Variants in USP46 observed in about 807,000 individuals in gnomAD.
USP46 encodes ubiquitin carboxyl-terminal hydrolase 46.
A neutral mutation model predicts 44.4 loss-of-function variants in USP46; 12 were observed. The ratio of observed to expected loss-of-function variants is 0.27; its 90% CI spans 0.17 to 0.44. USP46 has a LOEUF of 0.44. Ranked by LOEUF, USP46 falls within the 20% of genes least tolerant of loss-of-function variation. USP46 has a pLI of 1.00. For missense variants in USP46, 248 were observed against 444.8 expected, an observed-to-expected ratio of 0.56 and a Z score of 3.98; for synonymous variants, 155 against 161.5, an observed-to-expected ratio of 0.96 and a Z score of 0.31.
Position 52,609,896 on chromosome 4 carries a change from T to TTC in USP46, c.638+643_638+644dup, listed in dbSNP as rs1341267665. Among the ~76,000 whole-genome samples, 3 of 102,870 alleles carry TTC rather than the reference T, an allele frequency of 2.9e-5. No individual in the cohort carries two copies. In the South Asian group the frequency reaches 9.2e-4, roughly 32 times the overall value. 67.5% of individuals were successfully genotyped at this position (102,870 alleles called of 152,430 possible). ...ATGGAAACCTAAACCTCAATTCTAT[T>TTC]TCTTTTTTTTTTTTTTTTTTTTTTT... On this transcript the variant is annotated intron_variant, in intron 5 of 8. Coordinates refer to ENST00000441222, the MANE Select transcript of USP46 (RefSeq NM_022832.4).
intron 4 of USP46, among the ~76,000 whole-genome samples, chr4:52,615,449 T>C (rs1717096695): frequency 6.6e-6 from 1 of 152,138 alleles, no homozygotes; most frequent in African/African-American, 2.4e-5. Flanking sequence ...TTCCTAATGA[T>C]AAGAATGTCA....
chr4:52,659,089 G>A lies in USP46; in HGVS notation c.36+26C>T. On this transcript the variant is annotated intron_variant, in intron 1 of 8. Transcript: ENST00000441222. The surrounding 1 kb of genome is among the most constrained non-coding windows in gnomAD (Gnocchi z 4.2). Reference sequence around the variant, plus strand: ...CTTTGCCTCGCCGCGAGTCGGGCGCGACCCCGAGGCGGCTCGGCCACTCAC... The same window carrying A: ...CTTTGCCTCGCCGCGAGTCGGGCGCAACCCCGAGGCGGCTCGGCCACTCAC... The A allele has an allele frequency of 3.2e-6, 5 of 1,551,344 alleles. No individual in the cohort carries two copies. The highest frequency in any genetic ancestry group is 4.3e-6 in the Non-Finnish European group (5 of 1,150,884).
At chr4:52,601,748 C>G in intron 7 of USP46, 109 bp downstream of exon 7, 2 of 1,184,996 alleles carry the variant, frequency 1.7e-6, no homozygotes, top group Non-Finnish European at 2.3e-6. Context: ...TGGCAGAGAT[C>G]CCAAAACTAT....
intron 1 of USP46, among the ~76,000 whole-genome samples, chr4:52,632,988 A>AAAGAAAGAAAG (rs1560406196): frequency 1.3e-4 from 4 of 31,390 alleles, no homozygotes; most frequent in South Asian, 2.6e-3. Context: ...AAGAAAGAAA[A>AAAGAAAGAAAG]GAAAAGAAAG....
intron 1 of USP46, among the ~76,000 whole-genome samples, chr4:52,632,949 A>G (rs1717912133): frequency 1.3e-5 from 1 of 74,578 alleles, no homozygotes; most frequent in Non-Finnish European, 2.5e-5. Flanking sequence ...AGAAAGAAAG[A>G]AAGAAAGAAA....
rs570242860 is a variant in USP46, at chr4:52,605,497, T to C, written c.639-913A>G. On this transcript the variant is annotated intron_variant, in intron 5 of 8. Transcript: ENST00000441222. ...GTGTCCTAGTACCATAATGACCAGA[T>C]TTTATTAAACAGAAAATGTTATTTA... 5.9e-5 allele frequency among the ~76,000 whole-genome samples: 9 copies of C among 152,322 alleles called. No homozygotes were observed. The South Asian group carries it at 1.9e-3, about 32-fold the overall frequency.
chr4:52,656,353 G>C (rs372513418), intron 1 of USP46: 1 of 1,500,944 alleles, frequency 6.7e-7, no homozygotes, highest in Non-Finnish European at 9.0e-7. Context: ...TAATATTTAC[G>C]TCTGATCCAG....
At chr4:52,641,099 G>C (rs997194602) in intron 1 of USP46, among the ~76,000 whole-genome samples, 2 of 151,996 alleles carry the variant, frequency 1.3e-5, no homozygotes, top group Admixed American at 1.3e-4. Flanking sequence ...AAATTGTAAA[G>C]TATGTTACAA....
intron 5 of USP46, among the ~76,000 whole-genome samples, chr4:52,605,266 T>C (rs1160824466): frequency 2.6e-5 from 4 of 152,150 alleles, no homozygotes; most frequent in East Asian, 1.9e-4. Flanking sequence ...ACAAAAGCCA[T>C]TGTGTTTGTC....
At chr4:52,635,527 C>T (rs149889188) in intron 1 of USP46, among the ~76,000 whole-genome samples, 7 of 152,260 alleles carry the variant, frequency 4.6e-5, no homozygotes, top group Admixed American at 2.6e-4. Flanking sequence ...TCCCCTTGAC[C>T]CTTCTCACTG....
chr4:52,598,136 G>A (rs1716316903), intron 8 of USP46, among the ~76,000 whole-genome samples: 1 of 152,182 alleles, frequency 6.6e-6, no homozygotes, highest in South Asian at 2.1e-4. Flanking sequence ...ATGTCTTTGA[G>A]TGTAGAATTC....
intron 1 of USP46, among the ~76,000 whole-genome samples, chr4:52,647,374 T>C (rs191774817): frequency 6.6e-6 from 1 of 152,382 alleles, no homozygotes; most frequent in African/African-American, 2.4e-5. Context: ...ACTGGGTCTA[T>C]TTTCAACATA....
rs143839466 is a variant in USP46, at chr4:52,642,808, G to A, written c.37-11664C>T. On this transcript the variant is annotated intron_variant, in intron 1 of 8. Transcript: ENST00000441222. ...TTTTAAAATGCTAAAAGAGAAAACC[G>A]TACCAAAAAGCAAATTTGAGTTCTA... is the stretch of plus-strand genomic sequence containing the variant. Among the ~76,000 whole-genome samples, 150 of 152,152 alleles carry A rather than the reference G, an allele frequency of 9.9e-4. No individual in the cohort carries two copies. The East Asian group carries it at 0.014, about 14-fold the overall frequency.
chr4:52,618,039 AG>A (rs780848265), intron 4 of USP46, among the ~76,000 whole-genome samples: 1 of 152,258 alleles, frequency 6.6e-6, no homozygotes, highest in Non-Finnish European at 1.5e-5. Context: ...GATTACAGAA[AG>A]GGTATACCTT....
chr4:52,636,657 G>A (rs1220010304), intron 1 of USP46, among the ~76,000 whole-genome samples: 1 of 127,484 alleles, frequency 7.8e-6, no homozygotes, highest in African/African-American at 3.0e-5. Flanking sequence ...AGTGAGCCAA[G>A]ATGGTGCCAC....
At chr4:52,600,321 A>G (rs1266671350) in intron 7 of USP46, among the ~76,000 whole-genome samples, 1 of 152,098 alleles carries the variant, frequency 6.6e-6, no homozygotes. Flanking sequence ...AGGTCCTGGC[A>G]TGGAAGGGAA....
rs1295799139 is a variant in USP46 at position 52,594,082 on chromosome 4, G to A, written c.*3558C>T. ...CAAAATTGTTTGTAATAATTACTTG[G>A]ACATAAGACCTGCCACTGACTCACA... is the stretch of plus-strand genomic sequence containing the variant. On this transcript the variant is annotated 3_prime_UTR_variant, in exon 9 of 9. Coordinates refer to ENST00000441222, the MANE Select transcript of USP46 (RefSeq NM_022832.4). The A allele has an allele frequency of 1.3e-5, 2 of 152,074 alleles. No individual in the cohort carries two copies. Among genetic ancestry groups the A allele is most frequent in the Non-Finnish European group, 2.9e-5 (2 of 68,014 alleles). The allele number at this position is 152,074 out of a possible 1,614,324, so 9.4% of individuals were successfully genotyped here.
chr4:52,605,977 C>A (rs1227583750), intron 5 of USP46, among the ~76,000 whole-genome samples: 2 of 152,210 alleles, frequency 1.3e-5, no homozygotes, highest in Non-Finnish European at 1.5e-5. Context: ...ACTTCTCTGG[C>A]CACTTTGTCC....
At chr4:52,634,676 C>T (rs904586530) in intron 1 of USP46, among the ~76,000 whole-genome samples, 3 of 152,056 alleles carry the variant, frequency 2.0e-5, no homozygotes, top group African/African-American at 7.2e-5. Flanking sequence ...CCACCTGCCT[C>T]GGCCTCCCAA....
Sources: gnomAD v4.1 joint callset for allele counts (sites outside exome capture counted in the v4.1 genomes callset) on GRCh38, gnomAD v4.1.1 for gene constraint, Gnocchi (gnomAD v3.1) non-coding constraint, MANE v1.5 for transcripts, NCBI Gene and HGNC (gene_info 2026-07-23, HGNC 2026-07-21) for gene names.